The following GRID2IP variants were observed in gnomAD, a reference collection of about 807,000 sequenced individuals.
GRID2IP encodes Grid2 interacting protein.
Under a neutral mutation model 114.3 loss-of-function variants are expected in GRID2IP, and 78 were observed. The ratio of observed to expected loss-of-function variants is 0.68; its 90% CI spans 0.57 to 0.82. The LOEUF is 0.82. Among genes scored for constraint, GRID2IP ranks in the 40% least tolerant of loss-of-function variants. The pLI is 0.00. For synonymous variants in GRID2IP, 809 were observed against 724.0 expected (o/e 1.12, Z -1.89); for missense variants, 1,727 against 1,678.5 (o/e 1.03, Z -0.51).
At chr7:6,530,956 A>G in intron 2 of GRID2IP, 1 of 538,896 alleles carries the variant, frequency 1.9e-6, no homozygotes, top group Non-Finnish European at 3.3e-6. Flanking sequence ...CACCCAGGGC[A>G]GGGAAGCCCC....
At chr7:6,498,004 C>T in intron 21 of GRID2IP, 60 bp downstream of exon 21, 5 of 1,472,286 alleles carry the variant, frequency 3.4e-6, no homozygotes, top group Non-Finnish European at 4.5e-6. Flanking sequence ...AGGATCCCTT[C>T]ATTTGGCCTC....
intron 2 of GRID2IP, among the ~76,000 whole-genome samples, chr7:6,529,540 T>G (rs768646763): frequency 1.4e-4 from 21 of 152,196 alleles, no homozygotes; most frequent in Non-Finnish European, 2.6e-4. Flanking sequence ...CTTTCCTTAC[T>G]TGGTGTTTTT....
At chr7:6,537,370 C>CTT (rs772469574) in intron 2 of GRID2IP, among the ~76,000 whole-genome samples, 14,138 of 58,340 alleles carry the variant, frequency 0.24, 2,433 homozygotes, top group Admixed American at 0.3. Flanking sequence ...ATGGTGAGAC[C>CTT]TTTTTTTTTT....
At chr7:6,530,349 C>T (rs915813096) in intron 2 of GRID2IP, among the ~76,000 whole-genome samples, 12 of 151,788 alleles carry the variant, frequency 7.9e-5, no homozygotes, top group African/African-American at 2.7e-4. Context: ...CTGCAACCTC[C>T]GCCTCCCAGG....
chr7:6,505,839 G>T lies in GRID2IP; in HGVS notation c.2613C>A (p.Phe871Leu), dbSNP rs1280760166. 6.4e-7 allele frequency: 1 copy of T among 1,551,786 alleles called. No homozygotes were observed. The highest frequency in any genetic ancestry group is 1.2e-5 in the South Asian group (1 of 84,052). The change falls in exon 14 of 22, where the codon TTC (phenylalanine) becomes TTA (leucine). Residue 871 changes from phenylalanine (F) to leucine (L), a missense_variant. Transcript: ENST00000457091. Reference sequence around the variant, plus strand: ...ACTCACTAGCAGGTTTCTGGGTGCCGAAGTGGAGCTCCAGGTCGAGGTATT... The same window carrying T: ...ACTCACTAGCAGGTTTCTGGGTGCCTAAGTGGAGCTCCAGGTCGAGGTATT... Reference protein sequence around the residue: ...MVKYLDLELHFGTQKPAKPVP... With the variant: ...MVKYLDLELHLGTQKPAKPVP...
In GRID2IP at chr7:6,498,512, G is replaced by A. The variant is rs1441657276; in HGVS notation, c.3400-284C>T. Among the ~76,000 whole-genome samples, 7 of 149,088 alleles carry A rather than the reference G, an allele frequency of 4.7e-5. No homozygotes were observed. The East Asian group carries it at 1.4e-3, about 30-fold the overall frequency. ...GGGTCTCTGATCAGAGGCTTCCACT[G>A]CCACCTTCTTCCCCAACCACTCATT... On this transcript the variant is annotated intron_variant, in intron 20 of 21. Transcript: ENST00000457091.
At chr7:6,541,078 T>A (rs1157146333) in intron 1 of GRID2IP, among the ~76,000 whole-genome samples, 1 of 151,290 alleles carries the variant, frequency 6.6e-6, no homozygotes, top group African/African-American at 2.4e-5. Flanking sequence ...AGAGATGGAG[T>A]CTTGCTATAT....
Position 6,503,385 on chromosome 7 carries a change from C to T in GRID2IP, c.2907+106G>A. ...TTAAACTGGGACTCAGAGGCTTGGG[C>T]GCAATGGCGGCCCCCGAAGGCGCGC... On this transcript the variant is annotated intron_variant, in intron 16 of 21. Transcript: ENST00000457091. The T allele has an allele frequency of 1.7e-6, 2 of 1,172,362 alleles. 1 individual carries two copies. The highest frequency in any genetic ancestry group is 6.3e-5 in the Admixed American group (2 of 31,962). 72.6% of individuals were successfully genotyped at this position (1,172,362 alleles called of 1,614,324 possible).
chr7:6,529,634 C>T (rs573648605), intron 2 of GRID2IP, among the ~76,000 whole-genome samples: 2 of 152,308 alleles, frequency 1.3e-5, no homozygotes, highest in Non-Finnish European at 2.9e-5. Flanking sequence ...CTCAGTCTGG[C>T]CCAGAGTCCC....
intron 20 of GRID2IP, among the ~76,000 whole-genome samples, chr7:6,500,672 C>T (rs1449060515): frequency 6.6e-6 from 1 of 152,236 alleles, no homozygotes; most frequent in East Asian, 1.9e-4. Context: ...CAGGGGCTTT[C>T]ACCACCTACT....
intron 20 of GRID2IP, 97 bp downstream of exon 20, chr7:6,501,684 G>GAA (rs1786419060): frequency 2.4e-6 from 2 of 827,826 alleles, no homozygotes; most frequent in Non-Finnish European, 4.0e-6. Context: ...ATCTCTGCTG[G>GAA]AAGTCGAGGT....
At chr7:6,511,107 G>A (rs2115367637) in intron 8 of GRID2IP, 68 bp from the exon 9 acceptor site, 1 of 1,325,542 alleles carries the variant, frequency 7.5e-7, no homozygotes, top group East Asian at 3.1e-5. Flanking sequence ...TCCAAAACAG[G>A]GAGGGGAGGG....
chr7:6,542,488 TACAA>T (rs1779828845), intron 1 of GRID2IP, among the ~76,000 whole-genome samples: 1 of 152,076 alleles, frequency 6.6e-6, no homozygotes, highest in East Asian at 1.9e-4. Flanking sequence ...ACCCCATTTC[TACAA>T]ACAAATTTTT....
intron 4 of GRID2IP, among the ~76,000 whole-genome samples, chr7:6,525,528 A>C (rs1779492733): frequency 6.6e-6 from 1 of 151,828 alleles, no homozygotes; most frequent in South Asian, 2.1e-4. Context: ...GAGGCTGAGG[A>C]GGCTCTGGAG....
intron 1 of GRID2IP, among the ~76,000 whole-genome samples, chr7:6,545,877 G>T (rs929367965): frequency 6.6e-6 from 1 of 152,118 alleles, no homozygotes; most frequent in Admixed American, 6.5e-5. Context: ...GCTGGGGAAG[G>T]TTGCCAGTTT....
intron 2 of GRID2IP, among the ~76,000 whole-genome samples, chr7:6,530,401 C>G (rs912404591): frequency 6.6e-6 from 1 of 151,958 alleles, no homozygotes. Flanking sequence ...GTATCTGGGG[C>G]TACAGGCATG....
At chr7:6,541,839 G>A (rs562460550) in intron 1 of GRID2IP, among the ~76,000 whole-genome samples, 1 of 152,302 alleles carries the variant, frequency 6.6e-6, no homozygotes, top group South Asian at 2.1e-4. Context: ...CACACATCCT[G>A]ACAAGACACA....
intron 1 of GRID2IP, among the ~76,000 whole-genome samples, chr7:6,547,239 G>A (rs1779900916): frequency 6.6e-6 from 1 of 152,138 alleles, no homozygotes; most frequent in Non-Finnish European, 1.5e-5. Flanking sequence ...TAGTGCAAAC[G>A]CACTAAGTTG....
chr7:6,542,653 C>A (rs1326339384), intron 1 of GRID2IP, among the ~76,000 whole-genome samples: 2 of 151,948 alleles, frequency 1.3e-5, no homozygotes, highest in African/African-American at 2.4e-5. Flanking sequence ...GATCAAGACC[C>A]CATTTCAATA....
Sources: allele counts gnomAD v4.1 joint callset (sites outside exome capture counted in the v4.1 genomes callset), GRCh38; gene constraint gnomAD v4.1.1; transcripts MANE v1.5; gene names NCBI Gene and HGNC (gene_info 2026-07-23, HGNC 2026-07-21).